The following EPHB1 variants were observed in gnomAD, a reference collection of about 807,000 sequenced individuals.
EPHB1 encodes EPH receptor B1.
EPHB1 carries 30 observed loss-of-function variants against 94.4 expected under a neutral mutation model. That is an observed-to-expected ratio of 0.32 (90% confidence interval 0.24 to 0.43). EPHB1 has a LOEUF of 0.43. Ranked by LOEUF, EPHB1 falls within the 20% of genes least tolerant of loss-of-function variation. EPHB1 has a pLI of 1.00. For synonymous variants in EPHB1, 522 were observed against 489.1 expected, an observed-to-expected ratio of 1.07 and a Z score of -0.89; for missense variants, 1,055 against 1,308.3, an observed-to-expected ratio of 0.81 and a Z score of 2.99.
intron 1 of EPHB1, among the ~76,000 whole-genome samples, chr3:134,900,920 GC>G (rs1473862534): frequency 3.9e-5 from 6 of 152,300 alleles, no homozygotes; most frequent in African/African-American, 1.4e-4. Context: ...GCATACAGTT[GC>G]ATGGGGAAGA....
At chr3:134,941,400 C>T (rs1578215037) in intron 2 of EPHB1, among the ~76,000 whole-genome samples, 1 of 148,282 alleles carries the variant, frequency 6.7e-6, no homozygotes, top group Non-Finnish European at 1.5e-5. Context: ...GAGGGGCCAA[C>T]TATCAAACAT....
intron 1 of EPHB1, among the ~76,000 whole-genome samples, chr3:134,837,480 T>C (rs1213482505): frequency 6.6e-6 from 1 of 152,190 alleles, no homozygotes; most frequent in African/African-American, 2.4e-5. Flanking sequence ...ATGGTTCCCA[T>C]TGAGTCCAGG....
intron 1 of EPHB1, among the ~76,000 whole-genome samples, chr3:134,839,735 A>G (rs2036741787): frequency 6.6e-6 from 1 of 152,214 alleles, no homozygotes; most frequent in Non-Finnish European, 1.5e-5. Context: ...TCTCAGACAC[A>G]TGCTGAGTGT....
At chr3:134,849,047 C>G (rs1217921312) in intron 1 of EPHB1, among the ~76,000 whole-genome samples, 1 of 152,256 alleles carries the variant, frequency 6.6e-6, no homozygotes, top group African/African-American at 2.4e-5. Context: ...TTCAGATGAA[C>G]AGGAGGGACA....
At chr3:134,805,880 A>G (rs919255467) in intron 1 of EPHB1, among the ~76,000 whole-genome samples, 7 of 151,768 alleles carry the variant, frequency 4.6e-5, no homozygotes, top group South Asian at 2.1e-4. Context: ...GCTTCCCTCT[A>G]TGGGATCACA....
rs575817935 is a variant in EPHB1, at chr3:134,819,175, G to T, written c.58+23486G>T. 7.9e-5 allele frequency among the ~76,000 whole-genome samples: 12 copies of T among 152,320 alleles called. No individual in the cohort carries two copies. The East Asian group carries it at 1.2e-3, about 15-fold the overall frequency. On this transcript the variant is annotated intron_variant, in intron 1 of 15. Transcript: ENST00000398015. ...GCAGAGGTGAACTTCTGAGCATAGAGAAATGGACGTTAGGTAGGCATAAAC... is the reference window on the plus strand; with the variant it reads ...GCAGAGGTGAACTTCTGAGCATAGATAAATGGACGTTAGGTAGGCATAAAC...
At chr3:134,960,980 T>G (rs1469345907) in intron 3 of EPHB1, among the ~76,000 whole-genome samples, 1 of 152,174 alleles carries the variant, frequency 6.6e-6, no homozygotes, top group Non-Finnish European at 1.5e-5. Flanking sequence ...GTATGGTCCT[T>G]GGAGGCCCAC....
chr3:135,052,707 A>G (rs1283442568), intron 3 of EPHB1, among the ~76,000 whole-genome samples: 1 of 150,324 alleles, frequency 6.7e-6, no homozygotes, highest in East Asian at 2.0e-4. Flanking sequence ...TAAAAATACA[A>G]AAAATTAGCC....
At chr3:134,867,813 T>G (rs1265416612) in intron 1 of EPHB1, among the ~76,000 whole-genome samples, 1 of 152,200 alleles carries the variant, frequency 6.6e-6, no homozygotes, top group African/African-American at 2.4e-5. Flanking sequence ...TAGATTGGCC[T>G]CCCAGGTCAT....
intron 5 of EPHB1, among the ~76,000 whole-genome samples, chr3:135,146,810 C>T (rs944985756): frequency 5.3e-5 from 8 of 152,080 alleles, no homozygotes; most frequent in African/African-American, 1.9e-4. Flanking sequence ...TTTACATTTA[C>T]CTTGGGGAAT....
chr3:135,204,958 C>A (rs1942862908), intron 12 of EPHB1, among the ~76,000 whole-genome samples: 1 of 121,966 alleles, frequency 8.2e-6, no homozygotes, highest in Non-Finnish European at 1.6e-5. Context: ...CCCTTCCCAA[C>A]CTCTGGTAAC....
intron 1 of EPHB1, among the ~76,000 whole-genome samples, chr3:134,818,270 T>C (rs545894867): frequency 6.6e-6 from 1 of 152,022 alleles, no homozygotes; most frequent in South Asian, 2.1e-4. Context: ...TTGAAAGTCC[T>C]TGGAACCCTG....
chr3:134,802,158 C>T (rs1010589586), intron 1 of EPHB1, among the ~76,000 whole-genome samples: 2 of 151,292 alleles, frequency 1.3e-5, no homozygotes, highest in South Asian at 4.2e-4. Flanking sequence ...GCTGACAGGC[C>T]GGGCGCGGTG....
At chr3:135,097,173 T>G (rs1440442768) in intron 3 of EPHB1, among the ~76,000 whole-genome samples, 2 of 147,360 alleles carry the variant, frequency 1.4e-5, no homozygotes, top group African/African-American at 4.9e-5. Flanking sequence ...TCTTTGTTTT[T>G]TTTTTTTTTT....
intron 1 of EPHB1, among the ~76,000 whole-genome samples, chr3:134,830,553 T>A (rs2036563486): frequency 6.6e-6 from 1 of 152,102 alleles, no homozygotes; most frequent in African/African-American, 2.4e-5. Context: ...CCGAGGAGCA[T>A]GGCAGGTGAG....
At chr3:134,879,166 A>C (rs2037677917) in intron 1 of EPHB1, among the ~76,000 whole-genome samples, 1 of 152,174 alleles carries the variant, frequency 6.6e-6, no homozygotes, top group Non-Finnish European at 1.5e-5. Context: ...AGGCTCATAC[A>C]TGGAGTGGCA....
At chr3:134,994,349 G>T (rs1450845714) in intron 3 of EPHB1, among the ~76,000 whole-genome samples, 2 of 152,168 alleles carry the variant, frequency 1.3e-5, no homozygotes, top group African/African-American at 2.4e-5. Flanking sequence ...TGTCTGCACT[G>T]CTTTTGACCC....
At position 135,248,421 on chromosome 3, in the gene EPHB1, C is replaced by T. The variant is rs56317545; in HGVS notation, c.2602C>T (p.Arg868Trp). ...LDCWQKDRNSRPRFAEIVNTL... is the reference protein window; with the variant it reads ...LDCWQKDRNSWPRFAEIVNTL... ...CTGTTGGCAGAAGGACCGGAACAGC[C>T]GGCCCCGGTTTGCGGAGATTGTCAA... Residue 868 changes from arginine to tryptophan, a missense_variant, in exon 14 of 16, where the codon CGG becomes TGG. Coordinates refer to ENST00000398015, the MANE Select transcript of EPHB1 (RefSeq NM_004441.5). 3 of 1,613,932 alleles carry T rather than the reference C, an allele frequency of 1.9e-6. No individual in the cohort carries two copies. Among genetic ancestry groups the T allele is most frequent in the Non-Finnish European group, 2.5e-6 (3 of 1,179,892 alleles).
chr3:135,036,207 C>T (rs960435096), intron 3 of EPHB1, among the ~76,000 whole-genome samples: 7 of 152,142 alleles, frequency 4.6e-5, no homozygotes, highest in African/African-American at 1.2e-4. Flanking sequence ...ACAGCAAGGC[C>T]GTTGAGACGC....
Sources: allele counts gnomAD v4.1 joint callset (sites outside exome capture counted in the v4.1 genomes callset), GRCh38; gene constraint gnomAD v4.1.1; transcripts MANE v1.5; gene names NCBI Gene and HGNC (gene_info 2026-07-23, HGNC 2026-07-21).